The following WWOX variants were observed in gnomAD, a reference collection of about 807,000 sequenced individuals.
The protein encoded by WWOX is WW domain containing oxidoreductase, also known as WW domain-containing oxidoreductase.
WWOX carries 69 observed loss-of-function variants against 46.2 expected under a neutral mutation model. The ratio of observed to expected loss-of-function variants is 1.49; its 90% CI spans 1.23 to 1.82. The LOEUF is 1.82. Among genes scored for constraint, WWOX ranks in the 40% most tolerant of loss-of-function variants. The pLI, the probability that WWOX is intolerant of heterozygous loss-of-function variation, is 0.00. For synonymous variants in WWOX, 359 were observed against 202.6 expected, an observed-to-expected ratio of 1.77 and a Z score of -6.56; for missense variants, 919 against 542.6, an observed-to-expected ratio of 1.69 and a Z score of -6.89.
chr16:79,211,865 G>A lies in WWOX; in HGVS notation c.*69G>A. Reference sequence around the variant, plus strand: ...GTCCCCTCACGCAAGTGCCAGGGCTGGGCCCCTTCCAAATGTCCCTCCAAC... The same window carrying A: ...GTCCCCTCACGCAAGTGCCAGGGCTAGGCCCCTTCCAAATGTCCCTCCAAC... On this transcript the variant is annotated 3_prime_UTR_variant, in exon 9 of 9. Transcript: ENST00000566780. 6.3e-7 allele frequency: 1 copy of A among 1,599,618 alleles called. No homozygotes were observed. Among genetic ancestry groups the A allele is most frequent in the Non-Finnish European group, 8.5e-7 (1 of 1,174,250 alleles).
intron 1 of WWOX, among the ~76,000 whole-genome samples, chr16:78,106,317 A>G (rs543015167): frequency 1.8e-4 from 27 of 151,044 alleles, no homozygotes; most frequent in African/African-American, 6.3e-4. Flanking sequence ...GTTGCCATTC[A>G]TTTTGAAGGA....
At chr16:78,453,164 C>G (rs1376495642) in intron 8 of WWOX, among the ~76,000 whole-genome samples, 1 of 152,152 alleles carries the variant, frequency 6.6e-6, no homozygotes, top group Non-Finnish European at 1.5e-5. Flanking sequence ...TAGCTCACTT[C>G]TGTAATCCTA....
rs555718660 is a variant in WWOX, at chr16:79,199,259, C to T, written c.1057-12349C>T. On this transcript the variant is annotated intron_variant, in intron 8 of 8. Transcript: ENST00000566780. ...TGTATTTTTAGTAGAGATGAGGTTT[C>T]ACCATGTTGGCCAGGCTGGTCTCGA... Among the ~76,000 whole-genome samples the T allele has an allele frequency of 7.2e-5, 11 of 152,218 alleles. No individual in the cohort carries two copies. The East Asian group carries it at 1.5e-3, about 21-fold the overall frequency.
At chr16:78,867,541 G>A (rs1402814552) in intron 8 of WWOX, among the ~76,000 whole-genome samples, 2 of 151,326 alleles carry the variant, frequency 1.3e-5, no homozygotes, top group African/African-American at 2.4e-5. Flanking sequence ...TTTTGTGTGT[G>A]TGTTTTTGTT....
At chr16:79,037,887 T>C (rs1329154789) in intron 8 of WWOX, among the ~76,000 whole-genome samples, 4 of 152,096 alleles carry the variant, frequency 2.6e-5, no homozygotes, top group Admixed American at 2.6e-4. Context: ...CCAGTAGAAA[T>C]GCCAGCTGCA....
intron 8 of WWOX, among the ~76,000 whole-genome samples, chr16:78,515,971 C>G (rs1457025103): frequency 6.6e-6 from 1 of 152,118 alleles, no homozygotes; most frequent in African/African-American, 2.4e-5. Flanking sequence ...CAATCAGTCT[C>G]TCTCCTTCCA....
chr16:78,981,821 C>A (rs960417119), intron 8 of WWOX: 5 of 152,162 alleles, frequency 3.3e-5, no homozygotes, highest in African/African-American at 1.2e-4. Flanking sequence ...AGGTCATTTC[C>A]CTGAGTTACA....
At chr16:78,318,032 A>T (rs555642033) in intron 5 of WWOX, among the ~76,000 whole-genome samples, 5 of 152,242 alleles carry the variant, frequency 3.3e-5, no homozygotes, top group African/African-American at 1.2e-4. Context: ...GCCTGCTTCT[A>T]CCCTGGAGCA....
intron 8 of WWOX, among the ~76,000 whole-genome samples, chr16:78,772,900 C>T (rs2050098384): frequency 6.6e-6 from 1 of 152,076 alleles, no homozygotes. Context: ...TGGTACATGG[C>T]TGTAGTCCCA....
intron 8 of WWOX, among the ~76,000 whole-genome samples, chr16:78,829,844 T>C (rs1245615911): frequency 1.3e-5 from 2 of 152,114 alleles, no homozygotes; most frequent in Non-Finnish European, 2.9e-5. Context: ...GCATTTTTCT[T>C]TGAGTAGTTT....
intron 8 of WWOX, among the ~76,000 whole-genome samples, chr16:79,195,759 C>T (rs1291297286): frequency 6.6e-6 from 1 of 152,166 alleles, no homozygotes; most frequent in Non-Finnish European, 1.5e-5. Context: ...TTTGGGGAAA[C>T]ACTCCAGGTA....
chr16:78,415,969 T>C (rs1349599886), intron 6 of WWOX, among the ~76,000 whole-genome samples: 1 of 152,178 alleles, frequency 6.6e-6, no homozygotes, highest in Non-Finnish European at 1.5e-5. Context: ...ATCAGAAAGG[T>C]GGAGGGGCTT....
At chr16:79,074,739 G>T (rs1244106830) in intron 8 of WWOX, among the ~76,000 whole-genome samples, 1 of 152,068 alleles carries the variant, frequency 6.6e-6, no homozygotes, top group Non-Finnish European at 1.5e-5. Flanking sequence ...TAACTAAGCT[G>T]AGATAGCCTA....
At chr16:78,976,121 C>T (rs1176563378) in intron 8 of WWOX, among the ~76,000 whole-genome samples, 1 of 152,216 alleles carries the variant, frequency 6.6e-6, no homozygotes, top group Non-Finnish European at 1.5e-5. Flanking sequence ...TCTTTGTTGT[C>T]CATCCTCGAA....
intron 8 of WWOX, among the ~76,000 whole-genome samples, chr16:79,193,015 C>G (rs551047068): frequency 6.6e-6 from 1 of 152,344 alleles, no homozygotes; most frequent in African/African-American, 2.4e-5. Context: ...CAAAAGGAGA[C>G]AGAAGTTTGT....
intron 5 of WWOX, among the ~76,000 whole-genome samples, chr16:78,218,024 C>G (rs1485064753): frequency 6.6e-6 from 1 of 151,898 alleles, no homozygotes; most frequent in Non-Finnish European, 1.5e-5. Context: ...TTTTACTTTC[C>G]CTCTCCCTCC....
intron 8 of WWOX, among the ~76,000 whole-genome samples, chr16:78,501,078 A>C (rs1329305184): frequency 6.6e-6 from 1 of 152,028 alleles, no homozygotes. Flanking sequence ...GGCAGGGCAG[A>C]GGGTCAGCTG....
At chr16:79,000,707 A>G (rs1242693989) in intron 8 of WWOX, among the ~76,000 whole-genome samples, 2 of 152,140 alleles carry the variant, frequency 1.3e-5, no homozygotes, top group Non-Finnish European at 2.9e-5. Flanking sequence ...CCTTCAGAAA[A>G]TAAATTTGTT....
chr16:78,911,737 G>A (rs551789765), intron 8 of WWOX, among the ~76,000 whole-genome samples: 6 of 152,078 alleles, frequency 3.9e-5, no homozygotes, highest in South Asian at 4.1e-4. Context: ...GTGATGGTGC[G>A]TACCTGTAAT....
Sources: allele counts gnomAD v4.1 joint callset (sites outside exome capture counted in the v4.1 genomes callset), GRCh38; gene constraint gnomAD v4.1.1; transcripts MANE v1.5; gene names NCBI Gene and HGNC (gene_info 2026-07-23, HGNC 2026-07-21).